Variants in SIMC1 observed in about 807,000 individuals in gnomAD.
SIMC1 encodes SUMO-interacting motif-containing protein 1.
A neutral mutation model predicts 82.3 loss-of-function variants in SIMC1; 55 were observed. That is an observed-to-expected ratio of 0.67 (90% CI 0.54 to 0.84). SIMC1 has a LOEUF of 0.84. Among genes scored for constraint, SIMC1 ranks in the 40% least tolerant of loss-of-function variants. The pLI, the probability that SIMC1 is intolerant of heterozygous loss-of-function variation, is 0.00. For missense variants in SIMC1, 915 were observed against 1,107.2 expected, an observed-to-expected ratio of 0.83 and a Z score of 2.46; for synonymous variants, 353 against 426.3, an observed-to-expected ratio of 0.83 and a Z score of 2.12.
intron 1 of SIMC1, among the ~76,000 whole-genome samples, chr5:176,257,544 C>A (rs1230790378): frequency 1.3e-5 from 2 of 152,092 alleles, no homozygotes; most frequent in African/African-American, 4.8e-5. Context: ...CTCAAACAAC[C>A]AGATCTCTCA....
At position 176,322,328 on chromosome 5, in the gene SIMC1, C is replaced by A. The variant is rs779960622; in HGVS notation, c.1945C>A (p.Pro649Thr). The change falls in exon 6 of 10, where the codon CCA becomes ACA. Residue 649 changes from proline to threonine, a missense_variant. Pro to Thr is a conservative substitution (Grantham distance 38, BLOSUM62 -1). Around this residue, in one of 2 missense-constraint regions of SIMC1, gnomAD observed 902 missense variants for 1,040.3 expected, o/e 0.87. Transcript: ENST00000429602. Reference protein sequence around the residue: ...AVTEDGLTQPPNGNQTSSGTG... With the variant: ...AVTEDGLTQPTNGNQTSSGTG... ...AACTGAAGATGGATTGACTCAGCCCCCAAATGGAAATCAAACGTCTTCAGG... is the reference window on the plus strand; with the variant it reads ...AACTGAAGATGGATTGACTCAGCCCACAAATGGAAATCAAACGTCTTCAGG... 4 of 1,589,496 alleles carry A rather than the reference C, an allele frequency of 2.5e-6. No individual in the cohort carries two copies. Among genetic ancestry groups the A allele is most frequent in the East Asian group, 2.3e-5 (1 of 44,012 alleles).
rs188973234 is a variant in SIMC1, at chr5:176,336,772, G to C, written c.2224G>C (p.Glu742Gln). The change falls in exon 8 of 10, where the codon GAA (glutamate) becomes CAA (glutamine). Residue 742 changes from glutamate (E) to glutamine (Q), a missense_variant. Physicochemically the swap from Glu to Gln is conservative, Grantham distance 29 (BLOSUM62 2). Transcript: ENST00000429602. ...ESHLLRCKVL[E>Q]IIFLHSCETP... ...CCACCTTCTGCGCTGCAAAGTGTTA[G>C]AAATCATATTCCTCCACAGCTGTGA... 6.8e-6 allele frequency: 11 copies of C among 1,614,006 alleles called. No homozygotes were observed.
At chr5:176,292,218 G>A (rs1763610330) in intron 2 of SIMC1, among the ~76,000 whole-genome samples, 2 of 152,134 alleles carry the variant, frequency 1.3e-5, no homozygotes, top group Non-Finnish European at 2.9e-5. Context: ...TAAGACATGA[G>A]TGGGAATGCT....
intron 1 of SIMC1, among the ~76,000 whole-genome samples, chr5:176,242,466 A>G (rs1761306500): frequency 2.0e-5 from 3 of 149,896 alleles, no homozygotes; most frequent in Admixed American, 2.0e-4. Context: ...ATCTACATAT[A>G]TTTTATGCAT....
At chr5:176,285,051 C>CCT (rs1303472374) in intron 1 of SIMC1, among the ~76,000 whole-genome samples, 55 of 152,288 alleles carry the variant, frequency 3.6e-4, no homozygotes, top group African/African-American at 1.3e-3. Context: ...CAAATTCTAC[C>CCT]AGAGGTACAA....
At chr5:176,299,433 G>A (rs1325865986) in intron 4 of SIMC1, among the ~76,000 whole-genome samples, 2 of 151,632 alleles carry the variant, frequency 1.3e-5, no homozygotes, top group Non-Finnish European at 2.9e-5. Context: ...GAAAGTGAAA[G>A]GATGAGAAAA....
intron 1 of SIMC1, among the ~76,000 whole-genome samples, chr5:176,282,397 G>A (rs1763053843): frequency 1.3e-5 from 2 of 152,374 alleles, no homozygotes; most frequent in Admixed American, 1.3e-4. Flanking sequence ...GTGAGGCAAT[G>A]CCTCGCCCTG....
chr5:176,310,936 G>A (rs1031888252), intron 4 of SIMC1, among the ~76,000 whole-genome samples: 4 of 152,114 alleles, frequency 2.6e-5, no homozygotes, highest in African/African-American at 9.7e-5. Flanking sequence ...AATATGGGCA[G>A]ACGTTAAAAA....
intron 1 of SIMC1, among the ~76,000 whole-genome samples, chr5:176,277,957 TTAAAG>T (rs1762791815): frequency 6.8e-6 from 1 of 148,068 alleles, no homozygotes; most frequent in Non-Finnish European, 1.5e-5. Flanking sequence ...CATATGAACT[TTAAAG>T]TAGTTTTTTC....
At chr5:176,285,855 A>C (rs530899247) in intron 1 of SIMC1, among the ~76,000 whole-genome samples, 226 of 152,340 alleles carry the variant, frequency 1.5e-3, no homozygotes, top group African/African-American at 4.0e-3. Flanking sequence ...ACAGACAGAG[A>C]GCCAAATCAT....
intron 1 of SIMC1, among the ~76,000 whole-genome samples, chr5:176,262,907 AAAAC>A (rs1372065299): frequency 2.0e-5 from 3 of 151,758 alleles, no homozygotes; most frequent in Non-Finnish European, 4.4e-5. Context: ...AATCTAGAAA[AAAAC>A]CTCTTGGAAC....
intron 4 of SIMC1, chr5:176,313,434 TC>T: frequency 6.5e-7 from 1 of 1,549,078 alleles, no homozygotes; most frequent in Non-Finnish European, 8.7e-7. Context: ...GATGCCTAGA[TC>T]CTTTGAACAA....
rs868866362 is a variant in SIMC1, at chr5:176,345,258, A to G, written c.2489A>G (p.Asp830Gly). The change falls in exon 10 of 10, where the codon GAT becomes GGT. Residue 830 changes from aspartate (D) to glycine (G), a missense_variant. Physicochemically the swap from Asp to Gly is moderately conservative, Grantham distance 94 (BLOSUM62 -1). Around this residue, in one of 2 missense-constraint regions of SIMC1, gnomAD observed 902 missense variants for 1,040.3 expected, o/e 0.87. Coordinates refer to ENST00000429602, the MANE Select transcript of SIMC1 (RefSeq NM_001308195.2). ...ATTAAGCCCAAACCCCAGCAAGGAGATGACATCACAGTGGTAGACGTAGAG... is the reference window on the plus strand; with the variant it reads ...ATTAAGCCCAAACCCCAGCAAGGAGGTGACATCACAGTGGTAGACGTAGAG... ...KRIKPKPQQGDDITVVDVEKQ... is the reference protein window; with the variant it reads ...KRIKPKPQQGGDITVVDVEKQ... 2 of 1,614,018 alleles carry G rather than the reference A, an allele frequency of 1.2e-6. No homozygotes were observed. The highest frequency in any genetic ancestry group is 2.7e-5 in the African/African-American group (2 of 75,048).
chr5:176,326,663 C>T (rs534584104), intron 7 of SIMC1, among the ~76,000 whole-genome samples: 1 of 152,260 alleles, frequency 6.6e-6, no homozygotes, highest in East Asian at 1.9e-4. Flanking sequence ...CTCCTGGGTT[C>T]AAGTGATTCT....
At chr5:176,302,261 T>C (rs1764072522) in intron 4 of SIMC1, among the ~76,000 whole-genome samples, 1 of 152,086 alleles carries the variant, frequency 6.6e-6, no homozygotes, top group Admixed American at 6.6e-5. Flanking sequence ...TCCTGGATGG[T>C]TTAACATATG....
intron 1 of SIMC1, among the ~76,000 whole-genome samples, chr5:176,282,219 G>A (rs370509134): frequency 3.9e-4 from 59 of 152,356 alleles, no homozygotes; most frequent in Non-Finnish European, 5.9e-4. Context: ...CTCCATGGGC[G>A]TAGGACCCTC....
At chr5:176,250,726 T>C (rs886630927) in intron 1 of SIMC1, among the ~76,000 whole-genome samples, 2 of 152,216 alleles carry the variant, frequency 1.3e-5, no homozygotes, top group African/African-American at 2.4e-5. Flanking sequence ...TGGCCTTCTT[T>C]GTCTATTTTG....
intron 1 of SIMC1, among the ~76,000 whole-genome samples, chr5:176,275,434 T>A (rs1360133104): frequency 6.6e-6 from 1 of 151,888 alleles, no homozygotes; most frequent in East Asian, 1.9e-4. Context: ...ACAATTTGAC[T>A]TCCTCTTTTC....
intron 7 of SIMC1, among the ~76,000 whole-genome samples, chr5:176,328,225 G>A (rs1197162565): frequency 6.6e-6 from 1 of 151,960 alleles, no homozygotes; most frequent in Non-Finnish European, 1.5e-5. Flanking sequence ...TCTAAAATAA[G>A]TTTAAAAAGC....
Sources: allele counts gnomAD v4.1 joint callset (sites outside exome capture counted in the v4.1 genomes callset), GRCh38; gene constraint gnomAD v4.1.1; regional missense constraint gnomAD v4.1.1; transcripts MANE v1.5; gene names NCBI Gene and HGNC (gene_info 2026-07-23, HGNC 2026-07-21).